Variants in SNTG1 observed in about 807,000 individuals in gnomAD.
SNTG1 encodes the protein gamma-1-syntrophin.
SNTG1 carries 39 observed loss-of-function variants against 74.7 expected under a neutral mutation model. The ratio of observed to expected loss-of-function variants is 0.52; its 90% confidence interval spans 0.40 to 0.68. SNTG1 has a LOEUF of 0.68. SNTG1 is among the 30% of genes least tolerant of loss of function. The probability of loss-of-function intolerance (pLI) is 0.00; values close to 1 mark genes in which losing one functional copy is unlikely to be tolerated. For synonymous variants in SNTG1, 254 were observed against 217.1 expected (o/e 1.17, Z -1.49); for missense variants, 685 against 609.5 (o/e 1.12, Z -1.30).
chr8:50,432,158 T>C (rs1181718423), intron 4 of SNTG1, among the ~76,000 whole-genome samples: 1 of 152,214 alleles, frequency 6.6e-6, no homozygotes, highest in African/African-American at 2.4e-5. Context: ...TTTTTAATAT[T>C]TAAGCCTATC....
rs753712168 is a variant in SNTG1, at chr8:50,553,171, A to G, written c.802A>G (p.Lys268Glu). The change falls in exon 12 of 19, where the codon AAG (lysine) becomes GAG (glutamate). Residue 268 changes from lysine (K) to glutamate (E), a missense_variant. Physicochemically the swap from Lys to Glu is moderately conservative, Grantham distance 56 (BLOSUM62 1). Coordinates refer to ENST00000642720, the MANE Select transcript of SNTG1 (RefSeq NM_018967.5). The part of the protein sequence containing the change: ...AIATNISNLT[K>E]HNIKKINRNF... ...AGCAACTAACATTTCAAATCTCACA[A>G]AGCACAATGTAAGTAATGATTCAAG... 5 of 1,613,676 alleles carry G rather than the reference A, an allele frequency of 3.1e-6. No homozygotes were observed. The highest frequency in any genetic ancestry group is 4.2e-6 in the Non-Finnish European group (5 of 1,179,812).
At chr8:49,928,173 A>AAATAAATG (rs1807211241) in intron 1 of SNTG1, among the ~76,000 whole-genome samples, 1 of 148,680 alleles carries the variant, frequency 6.7e-6, no homozygotes, top group Non-Finnish European at 1.5e-5. Flanking sequence ...ATAAATAAAT[A>AAATAAATG]AATAAATAAA....
At chr8:50,596,933 C>A (rs2094731320) in intron 13 of SNTG1, among the ~76,000 whole-genome samples, 1 of 151,902 alleles carries the variant, frequency 6.6e-6, no homozygotes, top group Admixed American at 6.6e-5. Flanking sequence ...TTCAAAATCT[C>A]CTCTAGCTAT....
chr8:50,224,001 T>G (rs1172599974), intron 2 of SNTG1, among the ~76,000 whole-genome samples: 1 of 152,084 alleles, frequency 6.6e-6, no homozygotes, highest in African/African-American at 2.4e-5. Context: ...AATTGCCAGA[T>G]ACAAATCTAT....
chr8:50,718,861 G>A (rs984063304), intron 17 of SNTG1, among the ~76,000 whole-genome samples: 2 of 152,184 alleles, frequency 1.3e-5, no homozygotes, highest in African/African-American at 4.8e-5. Context: ...ATTTTATAAA[G>A]TGCTTAATCT....
chr8:50,627,677 C>G (rs140611176), intron 13 of SNTG1, among the ~76,000 whole-genome samples: 1 of 152,116 alleles, frequency 6.6e-6, no homozygotes, highest in Admixed American at 6.6e-5. Flanking sequence ...AGAGCAGCTC[C>G]CAGAATGCAG....
At chr8:50,389,413 A>G (rs1229349069) in intron 2 of SNTG1, among the ~76,000 whole-genome samples, 1 of 152,288 alleles carries the variant, frequency 6.6e-6, no homozygotes, top group Non-Finnish European at 1.5e-5. Context: ...TTTCTACTAA[A>G]AATGAACAAT....
At chr8:50,081,387 A>T (rs1433841028) in intron 1 of SNTG1, among the ~76,000 whole-genome samples, 1 of 151,990 alleles carries the variant, frequency 6.6e-6, no homozygotes, top group East Asian at 1.9e-4. Flanking sequence ...CTATGTGTAG[A>T]TGTGTTATCT....
chr8:50,218,895 G>A (rs2084921853), intron 2 of SNTG1, among the ~76,000 whole-genome samples: 1 of 152,174 alleles, frequency 6.6e-6, no homozygotes, highest in Admixed American at 6.5e-5. Context: ...AAGCCACAGA[G>A]CCAAGGGCTC....
At chr8:50,665,064 C>T (rs2095244055) in intron 15 of SNTG1, among the ~76,000 whole-genome samples, 1 of 151,894 alleles carries the variant, frequency 6.6e-6, no homozygotes, top group Non-Finnish European at 1.5e-5. Context: ...TGTTTTTCAG[C>T]CTGGTATTAC....
intron 8 of SNTG1, among the ~76,000 whole-genome samples, chr8:50,479,160 A>C (rs2093719977): frequency 6.6e-6 from 1 of 152,224 alleles, no homozygotes; most frequent in Non-Finnish European, 1.5e-5. Flanking sequence ...TCCCAAGCCC[A>C]AATTTTAACA....
At chr8:50,417,488 T>C (rs2093029489) in intron 4 of SNTG1, among the ~76,000 whole-genome samples, 1 of 152,128 alleles carries the variant, frequency 6.6e-6, no homozygotes, top group South Asian at 2.1e-4. Flanking sequence ...ATGGCTTGCT[T>C]CTCTTTTTTC....
At chr8:49,931,059 G>A (rs987473491) in intron 1 of SNTG1, among the ~76,000 whole-genome samples, 1 of 152,096 alleles carries the variant, frequency 6.6e-6, no homozygotes, top group Non-Finnish European at 1.5e-5. Flanking sequence ...ATTCCCCAAA[G>A]AGGAAACCCA....
intron 17 of SNTG1, among the ~76,000 whole-genome samples, chr8:50,743,044 G>A (rs1314335776): frequency 6.6e-6 from 1 of 150,576 alleles, no homozygotes; most frequent in South Asian, 2.1e-4. Flanking sequence ...GGACCACATA[G>A]CTTTATTGGT....
intron 2 of SNTG1, among the ~76,000 whole-genome samples, chr8:50,308,207 G>T (rs1038932587): frequency 6.6e-6 from 1 of 151,484 alleles, no homozygotes; most frequent in Non-Finnish European, 1.5e-5. Context: ...TTTCACTCTG[G>T]TATTAATTTG....
At chr8:50,399,205 TTG>T (rs890268083) in intron 3 of SNTG1, among the ~76,000 whole-genome samples, 6 of 68,876 alleles carry the variant, frequency 8.7e-5, no homozygotes, top group African/African-American at 3.1e-4. Flanking sequence ...GAATGTGTGT[TTG>T]TGAGTGTGTG....
intron 10 of SNTG1, among the ~76,000 whole-genome samples, chr8:50,532,771 A>C (rs2094279462): frequency 6.6e-6 from 1 of 152,196 alleles, no homozygotes; most frequent in African/African-American, 2.4e-5. Context: ...GAAAGAGTGC[A>C]TTGTGAGGCA....
chr8:50,137,736 C>T (rs1331858135), intron 1 of SNTG1, among the ~76,000 whole-genome samples: 7 of 152,108 alleles, frequency 4.6e-5, no homozygotes, highest in Admixed American at 2.6e-4. Flanking sequence ...TTCCAGGAGA[C>T]GTCCAGGCAG....
intron 2 of SNTG1, among the ~76,000 whole-genome samples, chr8:50,259,509 AAAG>A (rs1184579640): frequency 0.1 from 1,128 of 10,850 alleles, 58 homozygotes; most frequent in Middle Eastern, 0.12. Flanking sequence ...AAAAAAAAAA[AAAG>A]AAAGAAAGAA....
Sources: gnomAD v4.1 joint callset for allele counts (sites outside exome capture counted in the v4.1 genomes callset) on GRCh38, gnomAD v4.1.1 for gene constraint, MANE v1.5 for transcripts, NCBI Gene and HGNC (gene_info 2026-07-23, HGNC 2026-07-21) for gene names.